Variants in CPEB4 observed in about 807,000 individuals in gnomAD.
The protein encoded by CPEB4 is cytoplasmic polyadenylation element-binding protein 4.
A neutral mutation model predicts 72.5 loss-of-function variants in CPEB4; 12 were observed. The ratio of observed to expected loss-of-function variants is 0.17; its 90% CI spans 0.11 to 0.27. The LOEUF is 0.27. Ranked by LOEUF, CPEB4 falls within the 10% of genes least tolerant of loss-of-function variation. CPEB4 has a pLI of 1.00. For synonymous variants in CPEB4, 302 were observed against 326.3 expected, an observed-to-expected ratio of 0.93 and a Z score of 0.80; for missense variants, 614 against 908.5, an observed-to-expected ratio of 0.68 and a Z score of 4.17.
intron 3 of CPEB4, among the ~76,000 whole-genome samples, chr5:173,934,715 G>A (rs1019314842): frequency 2.6e-5 from 4 of 152,152 alleles, no homozygotes; most frequent in African/African-American, 9.7e-5. Context: ...GTGACTACTC[G>A]ACCGACCTAT....
At chr5:173,923,954 T>A (rs1472417587) in intron 2 of CPEB4, among the ~76,000 whole-genome samples, 1 of 152,174 alleles carries the variant, frequency 6.6e-6, no homozygotes, top group African/African-American at 2.4e-5. Flanking sequence ...TTTGAATTCC[T>A]TAATTGGGTC....
intron 2 of CPEB4, among the ~76,000 whole-genome samples, chr5:173,917,273 G>A (rs1287251944): frequency 1.3e-5 from 2 of 152,192 alleles, no homozygotes; most frequent in Non-Finnish European, 1.5e-5. Context: ...ATGGTGGGGA[G>A]AGTATATAAT....
At chr5:173,936,363 G>A (rs1212285063) in intron 3 of CPEB4, among the ~76,000 whole-genome samples, 1 of 152,104 alleles carries the variant, frequency 6.6e-6, no homozygotes, top group African/African-American at 2.4e-5. Context: ...TTCTTATAAA[G>A]ACACCAGTCA....
At chr5:173,939,355 A>G (rs1757743713) in intron 3 of CPEB4, among the ~76,000 whole-genome samples, 1 of 152,032 alleles carries the variant, frequency 6.6e-6, no homozygotes, top group Admixed American at 6.5e-5. Context: ...ATACATACAT[A>G]CATACATACA....
chr5:173,935,314 A>G (rs1757582549), intron 3 of CPEB4, among the ~76,000 whole-genome samples: 1 of 152,244 alleles, frequency 6.6e-6, no homozygotes, highest in South Asian at 2.1e-4. Flanking sequence ...GCACTTTCAA[A>G]TGCATTCCCT....
rs889827065 is a variant in CPEB4 at position 173,960,832 on chromosome 5, A to G, written c.*4695A>G. ...GTCATAGGATACGGTGTGTGGGATT[A>G]TAATCTCTATGGCATGTCAATTGAA... On this transcript the variant is annotated 3_prime_UTR_variant, in exon 10 of 10. Transcript: ENST00000265085. 6.6e-6 allele frequency: 1 copy of G among 152,210 alleles called. No homozygotes were observed. The highest frequency in any genetic ancestry group is 2.4e-5 in the African/African-American group (1 of 41,454). The allele number at this position is 152,210 out of a possible 1,614,324, so 9.4% of individuals were successfully genotyped here.
intron 4 of CPEB4, among the ~76,000 whole-genome samples, chr5:173,943,618 C>A (rs1479067736): frequency 6.6e-6 from 1 of 152,096 alleles, no homozygotes; most frequent in Non-Finnish European, 1.5e-5. Context: ...ATAACTTATT[C>A]TTGGCACCTA....
chr5:173,935,723 C>T (rs72812826), intron 3 of CPEB4, among the ~76,000 whole-genome samples: 33,738 of 151,828 alleles, frequency 0.22, 4,952 homozygotes, highest in Non-Finnish European at 0.31. Context: ...CCTCAATAAA[C>T]AGAAAGAAAA....
At chr5:173,903,822 A>G (rs1274696726) in intron 1 of CPEB4, among the ~76,000 whole-genome samples, 6 of 152,360 alleles carry the variant, frequency 3.9e-5, no homozygotes, top group Non-Finnish European at 5.9e-5. Flanking sequence ...CCTGGCAGGC[A>G]GTATTATTCA....
intron 2 of CPEB4, among the ~76,000 whole-genome samples, chr5:173,916,928 A>G (rs1376250029): frequency 6.6e-6 from 1 of 152,188 alleles, no homozygotes; most frequent in Non-Finnish European, 1.5e-5. Flanking sequence ...AAAATATGTA[A>G]TAAATAATAG....
At chr5:173,904,419 C>T (rs1756349846) in intron 1 of CPEB4, among the ~76,000 whole-genome samples, 1 of 151,994 alleles carries the variant, frequency 6.6e-6, no homozygotes, top group South Asian at 2.1e-4. Flanking sequence ...ATTTGTATGC[C>T]ACTCTGTCAT....
chr5:173,913,240 C>T (rs1756732881), intron 2 of CPEB4, among the ~76,000 whole-genome samples: 1 of 151,006 alleles, frequency 6.6e-6, no homozygotes, highest in South Asian at 2.1e-4. Context: ...CTCTGTTGCA[C>T]AGGCTGGAGT....
chr5:173,892,489 AATT>A (rs1468603197), intron 1 of CPEB4, among the ~76,000 whole-genome samples: 9 of 152,184 alleles, frequency 5.9e-5, no homozygotes, highest in Admixed American at 1.3e-4. Flanking sequence ...AAGTTTTATG[AATT>A]ATTCTTATAT....
At chr5:173,902,587 C>T (rs530680686) in intron 1 of CPEB4, among the ~76,000 whole-genome samples, 3 of 152,234 alleles carry the variant, frequency 2.0e-5, no homozygotes, top group East Asian at 1.9e-4. Flanking sequence ...TAACTGTGAA[C>T]ACCCCAGCAT....
intron 5 of CPEB4, 121 bp from the exon 6 acceptor site, chr5:173,949,387 G>A (rs1758140989): frequency 3.1e-6 from 2 of 636,106 alleles, no homozygotes; most frequent in African/African-American, 3.7e-5. Context: ...TCTAGATGAA[G>A]GGGATAAAGG....
At chr5:173,951,790 G>A in intron 7 of CPEB4, 34 bp from the exon 8 acceptor site, 1 of 1,291,090 alleles carries the variant, frequency 7.7e-7, no homozygotes, top group African/African-American at 1.5e-5. Flanking sequence ...TGTCTGTATT[G>A]AGAATGAGAC....
chr5:173,928,335 T>C (rs1040138053), intron 2 of CPEB4, among the ~76,000 whole-genome samples: 4 of 152,104 alleles, frequency 2.6e-5, no homozygotes, highest in East Asian at 3.8e-4. Flanking sequence ...AGTTGCAGTT[T>C]TTGCCATCAA....
At chr5:173,954,973 G>C (rs368455641) in intron 9 of CPEB4, among the ~76,000 whole-genome samples, 2 of 152,054 alleles carry the variant, frequency 1.3e-5, no homozygotes, top group East Asian at 3.9e-4. Flanking sequence ...GTCTCACTCT[G>C]TCACCCAGGC....
At chr5:173,949,163 T>G (rs894506739) in intron 5 of CPEB4, among the ~76,000 whole-genome samples, 48 of 152,230 alleles carry the variant, frequency 3.2e-4, no homozygotes, top group African/African-American at 1.1e-3. Context: ...AGTAGTGTTA[T>G]ATCAAAATTG....
Sources: gnomAD v4.1 joint callset for allele counts (sites outside exome capture counted in the v4.1 genomes callset) on GRCh38, gnomAD v4.1.1 for gene constraint, MANE v1.5 for transcripts, NCBI Gene and HGNC (gene_info 2026-07-23, HGNC 2026-07-21) for gene names.